RBFOX1: variants seen among roughly 807,000 people sequenced by gnomAD.
The protein encoded by RBFOX1 is RNA binding fox-1 homolog 1.
Under a neutral mutation model 57.7 loss-of-function variants are expected in RBFOX1, and 8 were observed. The ratio of observed to expected loss-of-function variants is 0.14; its 90% CI spans 0.08 to 0.25. RBFOX1 has a LOEUF of 0.25. Among genes scored for constraint, RBFOX1 ranks in the 10% least tolerant of loss-of-function variants. RBFOX1 has a pLI of 1.00. For missense variants in RBFOX1, 611 were observed against 548.5 expected, an observed-to-expected ratio of 1.11 and a Z score of -1.14; for synonymous variants, 326 against 222.4, an observed-to-expected ratio of 1.47 and a Z score of -4.15.
rs944073086 is a variant in RBFOX1 at position 5,574,542 on chromosome 16, A to C, written c.259-24360A>C. On this transcript the variant is annotated intron_variant, in intron 2 of 2. Coordinates refer to the RBFOX1 transcript ENST00000585867. The stretch of plus-strand genomic sequence containing the variant: ...GTGATTCTCGTGCCTCAGCCTCCCG[A>C]GTAGCTGGGATTACGGTGCCTGCCA... Among the ~76,000 whole-genome samples the C allele has an allele frequency of 7.2e-5, 11 of 151,890 alleles. 1 individual carries two copies. The South Asian group carries it at 2.3e-3, about 32-fold the overall frequency.
chr16:5,829,690 G>A (rs1219912802), intron 3 of RBFOX1, among the ~76,000 whole-genome samples: 2 of 152,068 alleles, frequency 1.3e-5, no homozygotes, highest in African/African-American at 4.8e-5. Flanking sequence ...TGACGCAAGA[G>A]AACAAAGGCA....
chr16:6,460,322 G>C (rs2094887422), intron 2 of RBFOX1, among the ~76,000 whole-genome samples: 1 of 151,988 alleles, frequency 6.6e-6, no homozygotes, highest in Admixed American at 6.6e-5. Flanking sequence ...ACAACCTATA[G>C]GATGAGAGAA....
At chr16:6,722,500 C>G (rs190141584) in intron 3 of RBFOX1, among the ~76,000 whole-genome samples, 60 of 138,114 alleles carry the variant, frequency 4.3e-4, no homozygotes, top group African/African-American at 1.4e-3. Flanking sequence ...GGAATATTTA[C>G]CATGTAGATA....
chr16:6,018,015 G>C (rs1380464104), upstream of RBFOX1, among the ~76,000 whole-genome samples: 2 of 152,172 alleles, frequency 1.3e-5, no homozygotes, highest in Non-Finnish European at 2.9e-5. Flanking sequence ...AGGCAGGGTG[G>C]TGCCACATAA....
intron 1 of RBFOX1, among the ~76,000 whole-genome samples, chr16:5,394,370 A>G (rs903544767): frequency 6.6e-6 from 1 of 152,110 alleles, no homozygotes; most frequent in South Asian, 2.1e-4. Flanking sequence ...GACAGCTCAC[A>G]TTGCTCTATT....
At chr16:5,881,851 A>G (rs971524622) in intron 4 of RBFOX1, among the ~76,000 whole-genome samples, 2 of 152,282 alleles carry the variant, frequency 1.3e-5, no homozygotes, top group South Asian at 2.1e-4. Context: ...ATTTATAAAT[A>G]CTTACTATGC....
chr16:6,802,259 C>CACTGTTTCGGAGT (rs2085651656), intron 3 of RBFOX1, among the ~76,000 whole-genome samples: 1 of 152,052 alleles, frequency 6.6e-6, no homozygotes, highest in Non-Finnish European at 1.5e-5. Flanking sequence ...AGTGCCGAAA[C>CACTGTTTCGGAGT]AGTAGTTGTG....
At chr16:5,563,902 T>C (rs2045972758) in intron 2 of RBFOX1, among the ~76,000 whole-genome samples, 1 of 152,316 alleles carries the variant, frequency 6.6e-6, no homozygotes, top group African/African-American at 2.4e-5. Context: ...TCATTTATTT[T>C]CTTAAGTTTC....
At chr16:5,638,643 A>C (rs2048763295) in intron 3 of RBFOX1, among the ~76,000 whole-genome samples, 1 of 152,044 alleles carries the variant, frequency 6.6e-6, no homozygotes, top group South Asian at 2.1e-4. Flanking sequence ...GTTTTTATTC[A>C]CTGTAGATTC....
chr16:7,215,991 G>A (rs1420661363), intron 4 of RBFOX1, among the ~76,000 whole-genome samples: 1 of 152,126 alleles, frequency 6.6e-6, no homozygotes, highest in South Asian at 2.1e-4. Context: ...CCAAAGTGCT[G>A]AGATTACAGG....
chr16:7,010,711 A>G (rs1452933149), intron 3 of RBFOX1, among the ~76,000 whole-genome samples: 1 of 151,950 alleles, frequency 6.6e-6, no homozygotes, highest in African/African-American at 2.4e-5. Context: ...TTACACTTGC[A>G]TGCCACCACT....
intron 1 of RBFOX1, among the ~76,000 whole-genome samples, chr16:6,101,180 G>A (rs1343724804): frequency 1.3e-5 from 2 of 152,148 alleles, no homozygotes; most frequent in South Asian, 4.1e-4. Context: ...TGGTATTTAT[G>A]AGAACATCTA....
chr16:5,927,026 A>G (rs2058953293), intron 4 of RBFOX1, among the ~76,000 whole-genome samples: 2 of 152,098 alleles, frequency 1.3e-5, no homozygotes, highest in African/African-American at 4.8e-5. Flanking sequence ...AAACCTCTTT[A>G]TTTATTTCTG....
chr16:7,139,665 G>A (rs1213542331), intron 4 of RBFOX1, among the ~76,000 whole-genome samples: 2 of 152,162 alleles, frequency 1.3e-5, no homozygotes, highest in Non-Finnish European at 2.9e-5. Context: ...TGGTAAAGAG[G>A]CAAGGGAGAG....
At chr16:5,952,242 C>A (rs1369662183) in intron 4 of RBFOX1, among the ~76,000 whole-genome samples, 1 of 151,874 alleles carries the variant, frequency 6.6e-6, no homozygotes, top group Non-Finnish European at 1.5e-5. Context: ...CCTCCACCTC[C>A]CGGGTTCAAG....
chr16:5,883,055 A>C (rs1419446340), intron 4 of RBFOX1, among the ~76,000 whole-genome samples: 1 of 152,204 alleles, frequency 6.6e-6, no homozygotes, highest in African/African-American at 2.4e-5. Flanking sequence ...CAAAGCCTGT[A>C]CAAGCAGCCA....
At chr16:7,056,468 C>T (rs1233535075) in intron 4 of RBFOX1, among the ~76,000 whole-genome samples, 1 of 152,164 alleles carries the variant, frequency 6.6e-6, no homozygotes, top group Non-Finnish European at 1.5e-5. Flanking sequence ...CCAGCTTGTT[C>T]TAGCATCAGC....
At chr16:7,422,364 A>T (rs1449543635) in intron 4 of RBFOX1, among the ~76,000 whole-genome samples, 3 of 152,186 alleles carry the variant, frequency 2.0e-5, no homozygotes, top group Non-Finnish European at 4.4e-5. Context: ...TACTGGGGAA[A>T]TGGCGGCAAG....
At chr16:7,200,987 A>G (rs1386727499) in intron 4 of RBFOX1, among the ~76,000 whole-genome samples, 1 of 152,196 alleles carries the variant, frequency 6.6e-6, no homozygotes, top group Non-Finnish European at 1.5e-5. Context: ...GAGAAAAATT[A>G]ATCTATATTT....
Sources: allele counts gnomAD v4.1 joint callset (sites outside exome capture counted in the v4.1 genomes callset), GRCh38; gene constraint gnomAD v4.1.1; transcripts MANE v1.5; gene names NCBI Gene and HGNC (gene_info 2026-07-23, HGNC 2026-07-21).